Variants in ADAMTS7 observed in about 807,000 individuals in gnomAD.
ADAMTS7 encodes the protein A disintegrin and metalloproteinase with thrombospondin motifs 7.
ADAMTS7 carries 89 observed loss-of-function variants against 172.6 expected under a neutral mutation model. That is an observed-to-expected ratio of 0.52 (90% confidence interval 0.43 to 0.61). The LOEUF (loss-of-function observed/expected upper bound fraction) is 0.61, where lower values mean the gene tolerates loss of function less well. Ranked by LOEUF, ADAMTS7 falls within the 20% of genes least tolerant of loss-of-function variation. The pLI is 0.00. For missense variants in ADAMTS7, 1,973 were observed against 2,355.6 expected (o/e 0.84, Z 3.36); for synonymous variants, 885 against 978.4 (o/e 0.90, Z 1.78).
chr15:78,770,948 C>T lies in ADAMTS7; in HGVS notation c.2518+214G>A, dbSNP rs185695297. ...GCTGGAGCACACTGAACATGCGCCG[C>T]GAGCCAGCACCCACCTGCCTCATCC... On this transcript the variant is annotated intron_variant, in intron 16 of 23. Coordinates refer to ENST00000388820, the MANE Select transcript of ADAMTS7 (RefSeq NM_014272.5). 4.2e-4 allele frequency: 271 copies of T among 639,536 alleles called. 3 individuals are homozygous for T. The East Asian group carries it at 7.1e-3, about 17-fold the overall frequency. The allele number at this position is 639,536 out of a possible 1,614,324, so 39.6% of individuals were successfully genotyped here.
At chr15:78,762,382 G>A (rs1312275886) in intron 23 of ADAMTS7, 21 bp downstream of exon 23, 5 of 1,415,000 alleles carry the variant, frequency 3.5e-6, no homozygotes. Context: ...TCAGCAGGGA[G>A]CCTGGGGTCA....
In ADAMTS7 at chr15:78,773,092, C is replaced by T. The variant is rs1415163845; in HGVS notation, c.2122G>A (p.Glu708Lys). 8.6e-6 allele frequency: 13 copies of T among 1,508,962 alleles called. No individual in the cohort carries two copies. The highest frequency in any genetic ancestry group is 4.1e-5 in the African/African-American group (3 of 72,640). The allele number at this position is 1,508,962 out of a possible 1,614,324, so 93.5% of individuals were successfully genotyped here. ...CGGTCCCACCCCATACCCAGGCCCT[C>T]GGCCTCCTCGAAGGTCCCGCTCACG... ...HTVSGTFEEA[E>K]GLGYVDVGLI... The change falls in exon 14 of 24, where the codon GAG (glutamate) becomes AAG (lysine). Residue 708 changes from glutamate (E) to lysine (K), a missense_variant. Physicochemically the swap from Glu to Lys is moderately conservative, Grantham distance 56. Coordinates refer to ENST00000388820, the MANE Select transcript of ADAMTS7 (RefSeq NM_014272.5).
intron 20 of ADAMTS7, among the ~76,000 whole-genome samples, 183 bp downstream of exon 20, chr15:78,764,372 G>C (rs1449278369): frequency 6.6e-6 from 1 of 152,244 alleles, no homozygotes; most frequent in Non-Finnish European, 1.5e-5. Flanking sequence ...GAGGAAAGGA[G>C]ACAGGCCAAG....
Position 78,788,376 on chromosome 15 carries a change from T to C in ADAMTS7, c.1179-2A>G, listed in dbSNP as rs1342121492. 6.2e-7 allele frequency: 1 copy of C among 1,612,310 alleles called. No individual in the cohort carries two copies. Among genetic ancestry groups the C allele is most frequent in the Non-Finnish European group, 8.5e-7 (1 of 1,179,842 alleles). On this transcript the variant is annotated splice_acceptor_variant, in intron 7 of 23. Coordinates refer to ENST00000388820, the MANE Select transcript of ADAMTS7 (RefSeq NM_014272.5). LOFTEE classifies it high-confidence loss of function. ...CTTCCGTCATGCTGAATGCCAAAAC[T>C]GTGTGAGAGCACAGGCCCCAGGGGC...
chr15:78,796,874 GGGGC>G, intron 3 of ADAMTS7, 88 bp from the exon 4 acceptor site: 1 of 1,253,178 alleles, frequency 8.0e-7, no homozygotes, highest in East Asian at 2.5e-5. Flanking sequence ...AGCTCTCTCT[GGGGC>G]ACTGGGAACC....
intron 8 of ADAMTS7, among the ~76,000 whole-genome samples, chr15:78,779,688 T>C (rs368126748): frequency 7.9e-5 from 12 of 152,118 alleles, no homozygotes; most frequent in Admixed American, 3.3e-4. Flanking sequence ...GCTAGCATTC[T>C]GTGGCTCGAG....
Position 78,774,760 on chromosome 15 carries a change from C to G in ADAMTS7, c.1740G>C (p.Glu580Asp). The G allele has an allele frequency of 2.5e-6, 4 of 1,610,378 alleles. No homozygotes were observed. The South Asian group carries it at 4.4e-5, about 18-fold the overall frequency. Residue 580 changes from glutamate (E) to aspartate (D), a missense_variant, in exon 12 of 24, where the codon GAG (glutamate) becomes GAC (aspartate). Around this residue, in one of 8 missense-constraint regions of ADAMTS7, gnomAD observed 526 missense variants for 662.9 expected, o/e 0.79. Transcript: ENST00000388820. ...GGTTGCAGAGGCGGAAGCGCTTGCGCTCACCCACACAGTATCTGCCTTTGT... is the reference window on the plus strand; with the variant it reads ...GGTTGCAGAGGCGGAAGCGCTTGCGGTCACCCACACAGTATCTGCCTTTGT... ...PKYKGRYCVG[E>D]RKRFRLCNLQ... is the part of the protein sequence containing the mutation.
At chr15:78,778,263 GTGGTGTGGTGA>G (rs2055381207) in intron 8 of ADAMTS7, among the ~76,000 whole-genome samples, 1 of 152,278 alleles carries the variant, frequency 6.6e-6, no homozygotes, top group African/African-American at 2.4e-5. Context: ...TCCTGCTGCT[GTGGTGTGGTGA>G]AGACAAGGCT....
intron 1 of ADAMTS7, among the ~76,000 whole-genome samples, chr15:78,810,107 T>C (rs1481541263): frequency 6.6e-6 from 1 of 152,122 alleles, no homozygotes; most frequent in African/African-American, 2.4e-5. Context: ...GGGAGGCAGG[T>C]CGACCCCATC....
intron 8 of ADAMTS7, among the ~76,000 whole-genome samples, chr15:78,783,392 C>G (rs2055458774): frequency 6.6e-6 from 1 of 152,144 alleles, no homozygotes; most frequent in African/African-American, 2.4e-5. Flanking sequence ...GCCTCAGCCT[C>G]CTGAGTAGCT....
Position 78,811,380 on chromosome 15 carries a change from C to T in ADAMTS7, c.-160G>A. The T allele has an allele frequency of 1.2e-6, 1 of 856,566 alleles. No individual in the cohort carries two copies. The highest frequency in any genetic ancestry group is 3.5e-5 in the East Asian group (1 of 28,266). The allele number at this position is 856,566 out of a possible 1,614,324, so 53.1% of individuals were successfully genotyped here. On this transcript the variant is annotated 5_prime_UTR_variant, in exon 1 of 24. Coordinates refer to ENST00000388820, the MANE Select transcript of ADAMTS7 (RefSeq NM_014272.5). ...CGTTCGGCTGCGCTCGGTCCGCGGG[C>T]AACAAAGGCTGCAGGGCCCGCCCCC...
At chr15:78,777,611 G>A in intron 8 of ADAMTS7, 23 bp from the exon 9 acceptor site, 1 of 1,592,160 alleles carries the variant, frequency 6.3e-7, no homozygotes, top group Non-Finnish European at 8.6e-7. Context: ...CGGGAGGATG[G>A]AGGGGGGCGC....
chr15:78,801,134 A>G (rs2055719675), intron 1 of ADAMTS7, among the ~76,000 whole-genome samples: 1 of 152,242 alleles, frequency 6.6e-6, no homozygotes, highest in Non-Finnish European at 1.5e-5. Context: ...AAGGGAAAGC[A>G]GCCAGAAAGA....
intron 8 of ADAMTS7, among the ~76,000 whole-genome samples, chr15:78,778,089 C>T (rs1397241194): frequency 6.6e-6 from 1 of 152,238 alleles, no homozygotes; most frequent in Non-Finnish European, 1.5e-5. Context: ...GGAGAGAGCC[C>T]AGGGCAACCA....
intron 11 of ADAMTS7, among the ~76,000 whole-genome samples, chr15:78,775,980 C>T (rs1056005148): frequency 2.6e-5 from 4 of 152,216 alleles, no homozygotes; most frequent in Admixed American, 2.6e-4. Flanking sequence ...CAGTGTCCCC[C>T]TCTCTGGAAA....
intron 2 of ADAMTS7, among the ~76,000 whole-genome samples, chr15:78,798,378 AC>A (rs1197193956): frequency 6.6e-6 from 1 of 151,870 alleles, no homozygotes; most frequent in Non-Finnish European, 1.5e-5. Flanking sequence ...TGCCCCACAC[AC>A]CCACCCCATT....
At position 78,763,947 on chromosome 15, in the gene ADAMTS7, C is replaced by A. The variant is rs746471624; in HGVS notation, c.4572G>T (p.Trp1524Cys). 1.9e-6 allele frequency: 3 copies of A among 1,546,662 alleles called. No homozygotes were observed. The highest frequency in any genetic ancestry group is 2.6e-6 in the Non-Finnish European group (3 of 1,144,988). Residue 1524 changes from tryptophan to cysteine, a missense_variant, in exon 21 of 24, where the codon TGG becomes TGT. This residue lies in a region of ADAMTS7 where 218 missense variants were observed against 216.9 expected (regional missense o/e 1.01). Transcript: ENST00000388820. ...TCACCTCCCTCCAGGAAGATGTGTA[C>A]CAGCTGAGGCAGGGCTGGGCCCCGC... ...RPCGAQPCLSWYTSSWRECSE... is the reference protein window; with the variant it reads ...RPCGAQPCLSCYTSSWRECSE...
At chr15:78,767,298 C>A (rs1168342116) in intron 18 of ADAMTS7, 81 bp downstream of exon 18, 8 of 1,533,984 alleles carry the variant, frequency 5.2e-6, no homozygotes, top group Non-Finnish European at 6.2e-6. Context: ...CCCACAAGGT[C>A]TCCAGGAAGG....
intron 4 of ADAMTS7, among the ~76,000 whole-genome samples, chr15:78,795,874 A>G (rs1596197058): frequency 6.6e-6 from 1 of 152,178 alleles, no homozygotes; most frequent in African/African-American, 2.4e-5. Flanking sequence ...CCCAGCTGCA[A>G]TCAGCCACAG....
Sources: gnomAD v4.1 joint callset for allele counts (sites outside exome capture counted in the v4.1 genomes callset) on GRCh38, gnomAD v4.1.1 for gene constraint, gnomAD v4.1.1 regional missense constraint, MANE v1.5 for transcripts, NCBI Gene and HGNC (gene_info 2026-07-23, HGNC 2026-07-21) for gene names.